The following JMJD1C variants were observed in gnomAD, a reference collection of about 807,000 sequenced individuals.
JMJD1C encodes the protein jumonji domain containing 1C, also known as jumonji domain-containing protein 1C.
A neutral mutation model predicts 245.3 loss-of-function variants in JMJD1C; 31 were observed. The ratio of observed to expected loss-of-function variants is 0.13; its 90% CI spans 0.09 to 0.17. The LOEUF is 0.17. Among genes scored for constraint, JMJD1C ranks in the 10% least tolerant of loss-of-function variants. The pLI, the probability that JMJD1C is intolerant of heterozygous loss-of-function variation, is 1.00. For missense variants in JMJD1C, 2,691 were observed against 3,000.2 expected, an observed-to-expected ratio of 0.90 and a Z score of 2.41; for synonymous variants, 1,057 against 1,017.4, an observed-to-expected ratio of 1.04 and a Z score of -0.74.
chr10:63,322,274 G>C (rs1205558529), intron 2 of JMJD1C, among the ~76,000 whole-genome samples: 2 of 152,020 alleles, frequency 1.3e-5, no homozygotes, highest in African/African-American at 4.8e-5. Flanking sequence ...TCTCACCTAA[G>C]GACTCTAAAT....
intron 1 of JMJD1C, among the ~76,000 whole-genome samples, chr10:63,449,468 C>A (rs529440717): frequency 2.6e-5 from 4 of 151,824 alleles, no homozygotes; most frequent in African/African-American, 4.8e-5. Flanking sequence ...TTTATTAAGC[C>A]TATGAATGAA....
At chr10:63,410,701 T>A (rs1949427564) in intron 1 of JMJD1C, among the ~76,000 whole-genome samples, 1 of 152,162 alleles carries the variant, frequency 6.6e-6, no homozygotes, top group Non-Finnish European at 1.5e-5. Flanking sequence ...TGTATGTTTT[T>A]ATTATATATT....
intron 12 of JMJD1C, among the ~76,000 whole-genome samples, chr10:63,198,209 G>T (rs746357578): frequency 2.0e-5 from 3 of 152,200 alleles, no homozygotes; most frequent in African/African-American, 7.2e-5. Context: ...AATTGGGGTA[G>T]ATTATGTCTT....
chr10:63,318,636 GGGACATCAA>G (rs1940416102), intron 2 of JMJD1C, among the ~76,000 whole-genome samples: 1 of 151,644 alleles, frequency 6.6e-6, no homozygotes, highest in South Asian at 2.1e-4. Flanking sequence ...CAACATTCCT[GGGACATCAA>G]TACTTGTGAT....
chr10:63,183,718 C>A, intron 21 of JMJD1C, 149 bp from the exon 22 acceptor site: 1 of 461,064 alleles, frequency 2.2e-6, no homozygotes, highest in Admixed American at 4.0e-5. Context: ...CCAAAAGCCA[C>A]AATCTATAAA....
Position 63,339,506 on chromosome 10 carries a change from G to A in JMJD1C, c.333+40812C>T, listed in dbSNP as rs533747997. Among the ~76,000 whole-genome samples, 31 of 152,312 alleles carry A rather than the reference G, an allele frequency of 2.0e-4. No homozygotes were observed. In the South Asian group the frequency reaches 4.6e-3, roughly 22 times the overall value. ...ACATTAAGTATATAGGTTGAGGCCA[G>A]GTGTGCTGGCTCACGCCTGTAATAC... On this transcript the variant is annotated intron_variant, in intron 2 of 25. Coordinates refer to ENST00000399262, the MANE Select transcript of JMJD1C (RefSeq NM_032776.3).
chr10:63,214,831 C>A lies in JMJD1C; in HGVS notation c.1336G>T (p.Ala446Ser). The change falls in exon 8 of 26, where the codon GCA becomes TCA. Residue 446 changes from alanine (A) to serine (S), a missense_variant. Physicochemically the swap from Ala to Ser is moderately conservative, Grantham distance 99 (BLOSUM62 1). Coordinates refer to ENST00000399262, the MANE Select transcript of JMJD1C (RefSeq NM_032776.3). ...GTGTCAACAGACTTCCGCTTCTCTG[C>A]TTCTTCATGTTTTTTATCTTCCTGT... is the stretch of plus-strand genomic sequence containing the variant. ...QIQEDKKHEE[A>S]EKRKSVDTQL... is the part of the protein sequence containing the mutation. The A allele has an allele frequency of 1.2e-6, 2 of 1,613,764 alleles. No homozygotes were observed. The highest frequency in any genetic ancestry group is 1.7e-6 in the Non-Finnish European group (2 of 1,179,954).
intron 1 of JMJD1C, among the ~76,000 whole-genome samples, chr10:63,509,133 G>C (rs1954802293): frequency 1.3e-5 from 2 of 152,160 alleles, no homozygotes; most frequent in South Asian, 4.1e-4. Flanking sequence ...TCTTCATAAT[G>C]AATTAGTGTT....
At chr10:63,430,967 T>G (rs1043222456) in intron 1 of JMJD1C, among the ~76,000 whole-genome samples, 9 of 152,144 alleles carry the variant, frequency 5.9e-5, no homozygotes, top group African/African-American at 2.2e-4. Flanking sequence ...CATGCAATCC[T>G]CCCACCTCGC....
chr10:63,325,650 A>C (rs1941418452), intron 2 of JMJD1C, among the ~76,000 whole-genome samples: 1 of 152,250 alleles, frequency 6.6e-6, no homozygotes, highest in Non-Finnish European at 1.5e-5. Flanking sequence ...ATATCTAATT[A>C]CTAAATTCAA....
intron 1 of JMJD1C, chr10:63,465,164 G>A (rs530945742): frequency 6.3e-6 from 2 of 317,140 alleles, no homozygotes; most frequent in East Asian, 5.9e-5. Flanking sequence ...GCGCGGCGCC[G>A]GACTCGCGGC....
intron 2 of JMJD1C, among the ~76,000 whole-genome samples, chr10:63,331,365 C>T (rs768645613): frequency 7.2e-5 from 11 of 152,198 alleles, no homozygotes; most frequent in Non-Finnish European, 1.5e-5. Context: ...TCAATATCCT[C>T]GTCCTACAAA....
At chr10:63,241,514 A>G (rs1207212109) in intron 3 of JMJD1C, among the ~76,000 whole-genome samples, 1 of 152,128 alleles carries the variant, frequency 6.6e-6, no homozygotes, top group Non-Finnish European at 1.5e-5. Flanking sequence ...AAAGGCTTTC[A>G]CTCCAAGCTT....
At chr10:63,285,665 G>A (rs1291858151) in intron 2 of JMJD1C, among the ~76,000 whole-genome samples, 1 of 152,070 alleles carries the variant, frequency 6.6e-6, no homozygotes, top group East Asian at 1.9e-4. Context: ...AAAATTAGCT[G>A]GGTGTGGTGG....
At chr10:63,425,405 G>A (rs1332455100) in intron 1 of JMJD1C, among the ~76,000 whole-genome samples, 1 of 152,102 alleles carries the variant, frequency 6.6e-6, no homozygotes, top group African/African-American at 2.4e-5. Context: ...AATCTACAAA[G>A]AAATAAGGAG....
At chr10:63,353,238 G>A (rs572478535) in intron 2 of JMJD1C, among the ~76,000 whole-genome samples, 9 of 152,158 alleles carry the variant, frequency 5.9e-5, no homozygotes, top group East Asian at 3.9e-4. Flanking sequence ...ATAGAACTAG[G>A]CAGAAGAAAA....
chr10:63,222,267 G>C (rs1251049164), intron 3 of JMJD1C: 1 of 847,258 alleles, frequency 1.2e-6, no homozygotes. Context: ...GTAACAGGGA[G>C]AGCTGTCGAG....
chr10:63,292,144 A>ATTTGTTTTTTTTTTTTTTTTTTTTTTTTT (rs1858837827), intron 2 of JMJD1C, among the ~76,000 whole-genome samples: 1 of 56,326 alleles, frequency 1.8e-5, no homozygotes, highest in Non-Finnish European at 3.2e-5. Context: ...GTAGAGACAG[A>ATTTGTTTTTTTTTTTTTTTTTTTTTTTTT]TTTTTTTTTT....
At chr10:63,218,458 A>T (rs1435813381) in intron 4 of JMJD1C, among the ~76,000 whole-genome samples, 2 of 152,126 alleles carry the variant, frequency 1.3e-5, no homozygotes, top group Admixed American at 1.3e-4. Flanking sequence ...TATCCATTAT[A>T]TGAACTTCAG....
Sources: allele counts gnomAD v4.1 joint callset (sites outside exome capture counted in the v4.1 genomes callset), GRCh38; gene constraint gnomAD v4.1.1; transcripts MANE v1.5; gene names NCBI Gene and HGNC (gene_info 2026-07-23, HGNC 2026-07-21).